Variants in LRRC15 observed in about 807,000 individuals in gnomAD.
LRRC15 encodes leucine rich repeat containing 15.
In LRRC15, 5 loss-of-function variants were observed where a neutral mutation model predicts 4.3. The ratio of observed to expected loss-of-function variants is 1.16; its 90% confidence interval spans 0.61 to 2.44. The LOEUF (loss-of-function observed/expected upper bound fraction) is 2.44, where lower values mean the gene tolerates loss of function less well. Among genes scored for constraint, LRRC15 ranks in the 30% most tolerant of loss-of-function variants. The probability of loss-of-function intolerance (pLI) is 0.01; values close to 1 mark genes in which losing one functional copy is unlikely to be tolerated. For synonymous variants in LRRC15, 337 were observed against 323.2 expected (o/e 1.04, Z -0.46); for missense variants, 769 against 747.0 (o/e 1.03, Z -0.34).
rs866099090 is a variant in LRRC15, at chr3:194,360,230, T to G, written c.814A>C (p.Asn272His). The change falls in exon 2 of 2, where the codon AAC (asparagine) becomes CAC (histidine). Residue 272 changes from asparagine to histidine, a missense_variant. Transcript: ENST00000347624. ...GAATTCCCAAAGAGAGTAAGACGGT[T>G]GAGCTGGGGCAGCTGCATGAAGACG... is the stretch of plus-strand genomic sequence containing the variant. ...PSVFMQLPQL[N>H]RLTLFGNSLK... 2 of 1,613,796 alleles carry G rather than the reference T, an allele frequency of 1.2e-6. No individual in the cohort carries two copies. The highest frequency in any genetic ancestry group is 1.3e-5 in the African/African-American group (1 of 75,040).
chr3:194,363,420 A>G (rs369393827), intron 1 of LRRC15: 1 of 693,158 alleles, frequency 1.4e-6, no homozygotes. Context: ...CATCTGAAAA[A>G]AAGTAAAAAC....
intron 1 of LRRC15, among the ~76,000 whole-genome samples, chr3:194,366,580 C>T (rs1389183829): frequency 6.6e-6 from 1 of 152,162 alleles, no homozygotes; most frequent in African/African-American, 2.4e-5. Context: ...CCGCTGAGAA[C>T]GAGAGGACCC....
chr3:194,357,275 A>G lies in LRRC15; in HGVS notation c.*2023T>C, dbSNP rs1475221450. ...AAGAGCCGATCGGGATTGGTGGTAG[A>G]TTTCCAGATCACAGGTGTCTTGTGG... is the stretch of plus-strand genomic sequence containing the variant. On this transcript the variant is annotated 3_prime_UTR_variant, in exon 2 of 2. Coordinates refer to ENST00000347624, the MANE Select transcript of LRRC15 (RefSeq NM_130830.5). 7.0e-6 allele frequency: 1 copy of G among 143,170 alleles called. No homozygotes were observed. Among genetic ancestry groups the G allele is most frequent in the African/African-American group, 2.6e-5 (1 of 38,520 alleles). 8.9% of individuals were successfully genotyped at this position (143,170 alleles called of 1,614,324 possible). A position where few individuals can be genotyped will look rare whatever the true frequency, so the allele number is the denominator to read the frequency against.
At chr3:194,369,630 G>A (rs1483210348) in intron 1 of LRRC15, 31 bp downstream of exon 1, 2 of 152,462 alleles carry the variant, frequency 1.3e-5, no homozygotes, top group African/African-American at 4.8e-5. Context: ...TCTAAGCAGA[G>A]AGGAGGGATG....
In LRRC15 at chr3:194,361,051, G is replaced by A; in HGVS notation, c.-3-5C>T. On this transcript the variant is annotated splice_polypyrimidine_tract_variant and splice_region_variant and intron_variant, in intron 1 of 1. Transcript: ENST00000347624. ...ATAATGCTTCAGTGGCATAGCCTGTGCAAGGGGAGAGAGCACACGTTAGTC... is the reference window on the plus strand; with the variant it reads ...ATAATGCTTCAGTGGCATAGCCTGTACAAGGGGAGAGAGCACACGTTAGTC... The A allele has an allele frequency of 6.7e-7, 1 of 1,499,256 alleles. No homozygotes were observed. The highest frequency in any genetic ancestry group is 8.8e-7 in the Non-Finnish European group (1 of 1,131,098). 92.9% of individuals were successfully genotyped at this position (1,499,256 alleles called of 1,614,324 possible).
At chr3:194,362,934 A>ATTTT (rs1162019236) in intron 1 of LRRC15, among the ~76,000 whole-genome samples, 9 of 114,742 alleles carry the variant, frequency 7.8e-5, no homozygotes, top group Non-Finnish European at 1.0e-4. Flanking sequence ...ACAGACCTTG[A>ATTTT]TTTTGTTTTT....
At position 194,359,933 on chromosome 3, in the gene LRRC15, A is replaced by T; in HGVS notation, c.1111T>A (p.Ser371Thr). Residue 371 changes from serine to threonine, a missense_variant, in exon 2 of 2, where the codon TCC (serine) becomes ACC (threonine). By Grantham distance (58) the Ser-to-Thr change is moderately conservative. Coordinates refer to ENST00000347624, the MANE Select transcript of LRRC15 (RefSeq NM_130830.5). ...FRMLANLQNISLQNNRLRQLP... is the reference protein window; with the variant it reads ...FRMLANLQNITLQNNRLRQLP... ...TGTCTGAGGCGGTTGTTCTGCAGGG[A>T]GATGTTCTGCAGGTTGGCCAACATG... 1.2e-6 allele frequency: 2 copies of T among 1,614,070 alleles called. No individual in the cohort carries two copies. Among genetic ancestry groups the T allele is most frequent in the Non-Finnish European group, 1.7e-6 (2 of 1,179,984 alleles).
At chr3:194,369,407 C>T (rs1051192313) in intron 1 of LRRC15, among the ~76,000 whole-genome samples, 2 of 152,198 alleles carry the variant, frequency 1.3e-5, no homozygotes, top group African/African-American at 4.8e-5. Flanking sequence ...ATGAGCCGCT[C>T]AGGGCAAGGG....
In LRRC15 at chr3:194,357,859, T is replaced by A. The variant is rs112790931; in HGVS notation, c.*1439A>T. 1 of 152,240 alleles carries A rather than the reference T, an allele frequency of 6.6e-6. No homozygotes were observed. Among genetic ancestry groups the A allele is most frequent in the Admixed American group, 6.5e-5 (1 of 15,286 alleles). 9.4% of individuals were successfully genotyped at this position (152,240 alleles called of 1,614,324 possible). A position where few individuals can be genotyped will look rare whatever the true frequency, so the allele number is the denominator to read the frequency against. On this transcript the variant is annotated 3_prime_UTR_variant, in exon 2 of 2. Coordinates refer to ENST00000347624, the MANE Select transcript of LRRC15 (RefSeq NM_130830.5). Reference sequence around the variant, plus strand: ...CATCTCTGAGCGATTTCACTTCCCCTAAGTGAAGAATGAAAATTAAAAACA... The same window carrying A: ...CATCTCTGAGCGATTTCACTTCCCCAAAGTGAAGAATGAAAATTAAAAACA...
chr3:194,365,177 A>G (rs1183974819), intron 1 of LRRC15, among the ~76,000 whole-genome samples: 5 of 152,218 alleles, frequency 3.3e-5, no homozygotes, highest in Non-Finnish European at 7.3e-5. Flanking sequence ...GGAAGGGGGA[A>G]TAGCCTGGTG....
intron 1 of LRRC15, among the ~76,000 whole-genome samples, chr3:194,367,191 C>A (rs139763173): frequency 1.3e-3 from 201 of 152,338 alleles, no homozygotes; most frequent in African/African-American, 4.7e-3. Context: ...AGGGAAGGGA[C>A]AGAGGGTTCA....
At chr3:194,364,194 G>A (rs1041138942) in intron 1 of LRRC15, among the ~76,000 whole-genome samples, 1 of 152,158 alleles carries the variant, frequency 6.6e-6, no homozygotes, top group African/African-American at 2.4e-5. Context: ...TAAGACCTTA[G>A]GATTCTAAGG....
chr3:194,367,349 C>T (rs776253999), intron 1 of LRRC15, among the ~76,000 whole-genome samples: 2 of 151,998 alleles, frequency 1.3e-5, no homozygotes, highest in Non-Finnish European at 2.9e-5. Context: ...GCTCTGTCAC[C>T]CAGACTGATG....
At position 194,360,929 on chromosome 3, in the gene LRRC15, A is replaced by T. The variant is rs769046774; in HGVS notation, c.115T>A (p.Cys39Ser). 6.3e-7 allele frequency: 1 copy of T among 1,596,606 alleles called. No homozygotes were observed. Among genetic ancestry groups the T allele is most frequent in the Non-Finnish European group, 8.5e-7 (1 of 1,172,490 alleles). The change falls in exon 2 of 2, where the codon TGC (cysteine) becomes AGC (serine). Residue 39 changes from cysteine to serine, a missense_variant. Cys to Ser is a moderately radical substitution (Grantham distance 112). Transcript: ENST00000347624. ...CTCSRASQVE[C>S]TGARIVAVPT... The stretch of plus-strand genomic sequence containing the variant: ...ACTGCCACAATGCGTGCCCCGGTGC[A>T]CTCCACCTGGGAGGCCCTGGAGCAG...
Position 194,359,696 on chromosome 3 carries a change from C to T in LRRC15, c.1348G>A (p.Val450Ile), listed in dbSNP as rs1397808176. The part of the protein sequence containing the change: ...LNQPRLGTDT[V>I]PVCFSPANVR... ...TTGGCTGGGCTGAAACACACAGGTA[C>T]AGTGTCCGTCCCTAACCTAGGCTGG... The change falls in exon 2 of 2, where the codon GTA (valine) becomes ATA (isoleucine). Residue 450 changes from valine (V) to isoleucine (I), a missense_variant. Transcript: ENST00000347624. The T allele has an allele frequency of 6.2e-7, 1 of 1,614,180 alleles. No individual in the cohort carries two copies. Among genetic ancestry groups the T allele is most frequent in the Non-Finnish European group, 8.5e-7 (1 of 1,180,030 alleles).
At chr3:194,368,556 T>TA (rs574541200) in intron 1 of LRRC15, among the ~76,000 whole-genome samples, 6 of 152,244 alleles carry the variant, frequency 3.9e-5, no homozygotes, top group Non-Finnish European at 7.4e-5. Context: ...TGCCAGCCGT[T>TA]AGAGCACTTC....
At position 194,362,292 on chromosome 3, in the gene LRRC15, C is replaced by T. The variant is rs200460362; in HGVS notation, c.-3-1246G>A. Among the ~76,000 whole-genome samples, 5 of 152,088 alleles carry T rather than the reference C, an allele frequency of 3.3e-5. No homozygotes were observed. In the East Asian group the frequency reaches 5.8e-4, roughly 18 times the overall value. On this transcript the variant is annotated intron_variant, in intron 1 of 1. Coordinates refer to ENST00000347624, the MANE Select transcript of LRRC15 (RefSeq NM_130830.5). ...TGTGTGAAGAGGGGATGGTAACTCC[C>T]GCCCCGTTCTTGGGGCTGTTGTGAG...
chr3:194,363,394 G>A (rs1021602188), intron 1 of LRRC15: 7 of 711,412 alleles, frequency 9.8e-6, no homozygotes, highest in Non-Finnish European at 1.8e-5. Flanking sequence ...AATGGGGCCA[G>A]GTTATGCTAG....
rs1174837915 is a variant in LRRC15 at position 194,355,618 on chromosome 3, C to A, written c.*3680G>T. 1 of 152,246 alleles carries A rather than the reference C, an allele frequency of 6.6e-6. No homozygotes were observed. The highest frequency in any genetic ancestry group is 1.5e-5 in the Non-Finnish European group (1 of 68,060). The allele number at this position is 152,246 out of a possible 1,614,324, so 9.4% of individuals were successfully genotyped here. A position where few individuals can be genotyped will look rare whatever the true frequency, so the allele number is the denominator to read the frequency against. On this transcript the variant is annotated 3_prime_UTR_variant, in exon 2 of 2. Coordinates refer to ENST00000347624, the MANE Select transcript of LRRC15 (RefSeq NM_130830.5). The stretch of plus-strand genomic sequence containing the variant: ...TGCTGGCTTCCCAACAACGCAGATT[C>A]AGTTCTGACTGTGGGATCTGGGGGC...
Sources: gnomAD v4.1 joint callset for allele counts (sites outside exome capture counted in the v4.1 genomes callset) on GRCh38, gnomAD v4.1.1 for gene constraint, MANE v1.5 for transcripts, NCBI Gene and HGNC (gene_info 2026-07-23, HGNC 2026-07-21) for gene names.